The following CFAP299 variants were observed in gnomAD, a reference collection of about 807,000 sequenced individuals.
The protein encoded by CFAP299 is cilia- and flagella-associated protein 299.
A neutral mutation model predicts 27.0 loss-of-function variants in CFAP299; 21 were observed. The observed-to-expected ratio is 0.78, with a 90% CI of 0.55 to 1.12. The LOEUF is 1.12. CFAP299 is among the 50% of genes most tolerant of loss of function. The pLI, the probability that CFAP299 is intolerant of heterozygous loss-of-function variation, is 0.00. For missense variants in CFAP299, 310 were observed against 276.6 expected (o/e 1.12, Z -0.86); for synonymous variants, 104 against 98.1 (o/e 1.06, Z -0.36).
chr4:80,330,154 A>G, the CFAP299 span, among the ~76,000 whole-genome samples: 1 of 152,174 alleles, frequency 6.6e-6, no homozygotes, highest in African/African-American at 2.4e-5. Flanking sequence ...GTCTCTGGCT[A>G]TAAAATTCTT....
chr4:80,770,128 G>T (rs754516933), intron 3 of CFAP299, among the ~76,000 whole-genome samples: 1 of 152,156 alleles, frequency 6.6e-6, no homozygotes, highest in Admixed American at 6.6e-5. Flanking sequence ...CAAGTCAAGT[G>T]TGCAGCATTT....
chr4:80,329,160 T>C, the CFAP299 span, among the ~76,000 whole-genome samples: 1 of 150,098 alleles, frequency 6.7e-6, no homozygotes, highest in Non-Finnish European at 1.5e-5. Flanking sequence ...TCTTCCAATG[T>C]GGCCCAGGGA....
chr4:80,527,297 T>TG (rs1271572046), intron 2 of CFAP299, among the ~76,000 whole-genome samples: 7 of 150,568 alleles, frequency 4.6e-5, no homozygotes, highest in African/African-American at 1.8e-4. Flanking sequence ...ATTGGAGGTT[T>TG]TTTTTTAAAT....
chr4:80,455,833 G>A (rs941201484), intron 2 of CFAP299, among the ~76,000 whole-genome samples: 2 of 152,004 alleles, frequency 1.3e-5, no homozygotes, highest in African/African-American at 2.4e-5. Flanking sequence ...TGTTGATTGA[G>A]CACCTACTGT....
chr4:80,936,175 A>G (rs1473845291), intron 4 of CFAP299, among the ~76,000 whole-genome samples: 3 of 152,080 alleles, frequency 2.0e-5, no homozygotes, highest in Non-Finnish European at 4.4e-5. Context: ...ATGGGAATGC[A>G]TATACACTGT....
chr4:80,763,061 A>G (rs1232284213), intron 3 of CFAP299, among the ~76,000 whole-genome samples: 1 of 152,188 alleles, frequency 6.6e-6, no homozygotes, highest in African/African-American at 2.4e-5. Context: ...AGTCTATGAT[A>G]TGTACCCTCT....
At chr4:80,917,316 A>G (rs780317556) in intron 4 of CFAP299, among the ~76,000 whole-genome samples, 2 of 152,160 alleles carry the variant, frequency 1.3e-5, no homozygotes, top group African/African-American at 2.4e-5. Flanking sequence ...TACTGTCAAT[A>G]TGGATTAGTT....
intron 3 of CFAP299, among the ~76,000 whole-genome samples, chr4:80,641,660 A>G (rs1320387338): frequency 6.6e-6 from 1 of 152,232 alleles, no homozygotes; most frequent in Admixed American, 6.5e-5. Context: ...ATCATCAATA[A>G]GGAATTGACG....
intron 3 of CFAP299, among the ~76,000 whole-genome samples, chr4:80,811,356 G>A (rs765315515): frequency 7.2e-5 from 11 of 152,046 alleles, no homozygotes; most frequent in Non-Finnish European, 1.5e-4. Context: ...ATTGTGATTA[G>A]CTATGGTAAT....
At chr4:80,570,500 C>A (rs1735531151) in intron 2 of CFAP299, among the ~76,000 whole-genome samples, 2 of 151,826 alleles carry the variant, frequency 1.3e-5, no homozygotes, top group South Asian at 4.2e-4. Flanking sequence ...ATTAATATGA[C>A]AAAACATCAA....
intron 3 of CFAP299, among the ~76,000 whole-genome samples, chr4:80,718,654 A>C (rs985754758): frequency 6.6e-6 from 1 of 152,156 alleles, no homozygotes; most frequent in Non-Finnish European, 1.5e-5. Context: ...ATAAAGTATT[A>C]CGACAACTCT....
intron 3 of CFAP299, among the ~76,000 whole-genome samples, chr4:80,689,661 C>T (rs1291160922): frequency 6.6e-6 from 1 of 152,104 alleles, no homozygotes; most frequent in African/African-American, 2.4e-5. Context: ...CAGCTAACAT[C>T]ATAATGACAG....
chr4:80,558,350 G>GTTTTTTTTTTT lies in CFAP299; in HGVS notation c.243-24740_243-24739insTTTTTTTTTTT, dbSNP rs1352651407. ...GAAGACTTTTGTGGTTTTTTTGTTT[G>GTTTTTTTTTTT]TTTGTTTGTTTGTTTGTTTTTTTTT... On this transcript the variant is annotated intron_variant, in intron 2 of 5. Coordinates refer to ENST00000358105, the MANE Select transcript of CFAP299 (RefSeq NM_152770.3). 1.8e-4 allele frequency among the ~76,000 whole-genome samples: 24 copies of GTTTTTTTTTTT among 132,216 alleles called. 1 individual carries two copies. Among genetic ancestry groups the GTTTTTTTTTTT allele is most frequent in the African/African-American group, 6.7e-4 (22 of 33,062 alleles). The allele number at this position is 132,216 out of a possible 152,430, so 86.7% of individuals were successfully genotyped here. A position where few individuals can be genotyped will look rare whatever the true frequency, so the allele number is the denominator to read the frequency against.
upstream of CFAP299, among the ~76,000 whole-genome samples, chr4:80,332,032 C>T (rs1347328832): frequency 2.6e-5 from 4 of 152,174 alleles, no homozygotes; most frequent in Admixed American, 2.6e-4. Flanking sequence ...TAACCAACCT[C>T]AGTGCAAAGT....
intron 3 of CFAP299, among the ~76,000 whole-genome samples, chr4:80,712,426 T>C (rs945014001): frequency 3.9e-5 from 6 of 152,154 alleles, no homozygotes; most frequent in African/African-American, 1.4e-4. Context: ...TGTGATAACA[T>C]AAAGCATGAC....
chr4:80,819,034 A>G (rs1729564270), intron 3 of CFAP299, among the ~76,000 whole-genome samples: 1 of 152,118 alleles, frequency 6.6e-6, no homozygotes, highest in South Asian at 2.1e-4. Flanking sequence ...ATGTAACGAG[A>G]ACTGGAGAGA....
chr4:80,932,400 A>G (rs994851291), intron 4 of CFAP299, among the ~76,000 whole-genome samples: 2 of 152,164 alleles, frequency 1.3e-5, no homozygotes, highest in Non-Finnish European at 2.9e-5. Flanking sequence ...TGAACTTTAG[A>G]TTTCATATTC....
At chr4:80,348,801 A>G (rs1722879191) in intron 1 of CFAP299, among the ~76,000 whole-genome samples, 1 of 152,222 alleles carries the variant, frequency 6.6e-6, no homozygotes, top group Non-Finnish European at 1.5e-5. Flanking sequence ...CCAAACTAAT[A>G]TAGCAGCAAA....
chr4:80,715,900 A>C (rs1273230854), intron 3 of CFAP299, among the ~76,000 whole-genome samples: 1 of 152,086 alleles, frequency 6.6e-6, no homozygotes, highest in African/African-American at 2.4e-5. Flanking sequence ...TATTGTTTTC[A>C]TCAAACCTTC....
Sources: allele counts gnomAD v4.1 joint callset (sites outside exome capture counted in the v4.1 genomes callset), GRCh38; gene constraint gnomAD v4.1.1; transcripts MANE v1.5; gene names NCBI Gene and HGNC (gene_info 2026-07-23, HGNC 2026-07-21).